The following TMEM266 variants were observed in gnomAD, a reference collection of about 807,000 sequenced individuals.
TMEM266 encodes Hv1 related protein 1.
A neutral mutation model predicts 50.5 loss-of-function variants in TMEM266; 33 were observed. The ratio of observed to expected loss-of-function variants is 0.65; its 90% CI spans 0.50 to 0.87. TMEM266 has a LOEUF of 0.87. Ranked by LOEUF, TMEM266 falls within the 40% of genes least tolerant of loss-of-function variation. TMEM266 has a pLI of 0.00. For synonymous variants in TMEM266, 310 were observed against 292.3 expected (o/e 1.06, Z -0.62); for missense variants, 655 against 695.1 (o/e 0.94, Z 0.65).
chr15:76,150,206 G>C (rs1357698721), intron 3 of TMEM266, among the ~76,000 whole-genome samples: 1 of 152,176 alleles, frequency 6.6e-6, no homozygotes, highest in Non-Finnish European at 1.5e-5. Context: ...GGCATAGCTT[G>C]TATCCACTGC....
At position 76,204,286 on chromosome 15, in the gene TMEM266, C is replaced by T; in HGVS notation, c.1567C>T (p.Gln523Ter). ...GTTCAGATCTTTGGAATCCAAAGAG[C>T]AAAAGCTGCACAGGGTCCCTGAGGC... Residue 523 changes from glutamine (Q) to a stop codon, truncating the protein, a stop_gained, in exon 11 of 11, where the codon CAA becomes TAA. Transcript: ENST00000388942. LOFTEE classifies it high-confidence loss of function. 3 of 1,611,540 alleles carry T rather than the reference C, an allele frequency of 1.9e-6. No homozygotes were observed. In the African/African-American group the frequency reaches 4.0e-5, roughly 21 times the overall value.
intron 3 of TMEM266, among the ~76,000 whole-genome samples, chr15:76,143,967 G>A (rs1426289844): frequency 6.6e-6 from 1 of 152,122 alleles, no homozygotes. Context: ...GAATCCTGAT[G>A]AGTGTCTGTG....
Position 76,169,881 on chromosome 15 carries a change from C to A in TMEM266, c.513+9C>A. The A allele has an allele frequency of 1.2e-6, 2 of 1,612,106 alleles. No homozygotes were observed. The highest frequency in any genetic ancestry group is 8.5e-7 in the Non-Finnish European group (1 of 1,178,626). The stretch of plus-strand genomic sequence containing the variant: ...TCGAAAACAAAATAGAGGTAAAGAC[C>A]AATGTCCACCCCCAAAGCCCCCACT... On this transcript the variant is annotated intron_variant, in intron 6 of 10. Transcript: ENST00000388942.
chr15:76,110,447 A>T (rs532330323), intron 1 of TMEM266, among the ~76,000 whole-genome samples: 23 of 152,232 alleles, frequency 1.5e-4, no homozygotes, highest in South Asian at 4.1e-4. Context: ...TTTTTTCTTA[A>T]GCTCATCGGC....
chr15:76,092,668 C>T (rs1221747035), intron 1 of TMEM266, among the ~76,000 whole-genome samples: 2 of 151,804 alleles, frequency 1.3e-5, no homozygotes, highest in African/African-American at 2.4e-5. Flanking sequence ...TCAGCCTGGG[C>T]AACAGAGCAA....
intron 8 of TMEM266, 153 bp from the exon 9 acceptor site, chr15:76,191,815 C>A: frequency 1.4e-6 from 1 of 698,028 alleles, no homozygotes; most frequent in Non-Finnish European, 2.2e-6. Flanking sequence ...AACCGCGATG[C>A]TGGGAGATTC....
rs2036875788 is a variant in TMEM266, at chr15:76,093,185, G to A, written c.-97+33169G>A. Among the ~76,000 whole-genome samples the A allele has an allele frequency of 2.6e-5, 4 of 151,494 alleles. No individual in the cohort carries two copies. In the South Asian group the frequency reaches 6.3e-4, roughly 24 times the overall value. ...AAGTTCTGGGATACATGTGCAGAAT[G>A]TGCAGTTTTAATTACATAGGTATAC... On this transcript the variant is annotated intron_variant, in intron 1 of 10. Transcript: ENST00000388942.
chr15:76,191,960 C>A lies in TMEM266; in HGVS notation c.769-8C>A. 2 of 1,580,296 alleles carry A rather than the reference C, an allele frequency of 1.3e-6. No homozygotes were observed. Among genetic ancestry groups the A allele is most frequent in the East Asian group, 2.4e-5 (1 of 41,294 alleles). On this transcript the variant is annotated splice_region_variant and splice_polypyrimidine_tract_variant and intron_variant, in intron 8 of 10. Transcript: ENST00000388942. ...CGCTGATTCAGCCTTGCCCGTCTCC[C>A]TCCGCAGTTTGAGATCCGGCAGCTG...
intron 8 of TMEM266, 39 bp from the exon 9 acceptor site, chr15:76,191,929 C>T (rs564221346): frequency 4.6e-6 from 7 of 1,528,984 alleles, no homozygotes; most frequent in Non-Finnish European, 5.2e-6. Flanking sequence ...CCCGCCGGCC[C>T]CTCGCCGCTG....
At chr15:76,152,657 C>T (rs1012551714) in intron 3 of TMEM266, among the ~76,000 whole-genome samples, 4 of 152,258 alleles carry the variant, frequency 2.6e-5, no homozygotes, top group Non-Finnish European at 5.9e-5. Flanking sequence ...ATGCCTGGAT[C>T]GCTGTCCCCT....
intron 8 of TMEM266, chr15:76,181,048 C>T (rs986124272): frequency 2.0e-5 from 3 of 152,248 alleles, no homozygotes; most frequent in Non-Finnish European, 4.4e-5. Context: ...CAGTTCATTT[C>T]TTGTCACAGG....
At chr15:76,149,113 G>C (rs1039106478) in intron 3 of TMEM266, among the ~76,000 whole-genome samples, 1 of 152,136 alleles carries the variant, frequency 6.6e-6, no homozygotes, top group Non-Finnish European at 1.5e-5. Flanking sequence ...TTTTCCTGTG[G>C]TTCTGGTTCT....
rs571195776 is a variant in TMEM266 at position 76,168,443 on chromosome 15, T to C, written c.457-1373T>C. On this transcript the variant is annotated intron_variant, in intron 5 of 10. Coordinates refer to ENST00000388942, the MANE Select transcript of TMEM266 (RefSeq NM_152335.3). This position sits in a 1 kb window ranked among gnomAD's most constrained non-coding sequence, Gnocchi z 4.4. ...TTCGCAGAGTTCAGAAGGCTAGGCT[T>C]GTACTACAGGCATGCGGGAGAGGGG... is the stretch of plus-strand genomic sequence containing the variant. 3.9e-5 allele frequency among the ~76,000 whole-genome samples: 6 copies of C among 152,220 alleles called. No individual in the cohort carries two copies. Among genetic ancestry groups the C allele is most frequent in the Non-Finnish European group, 7.3e-5 (5 of 68,038 alleles).
chr15:76,093,209 A>G (rs2036876106), intron 1 of TMEM266, among the ~76,000 whole-genome samples: 1 of 151,798 alleles, frequency 6.6e-6, no homozygotes, highest in South Asian at 2.1e-4. Flanking sequence ...ACATAGGTAT[A>G]CACGTGCCAT....
chr15:76,156,920 G>GAA (rs1282708021), intron 4 of TMEM266, among the ~76,000 whole-genome samples, 162 bp downstream of exon 4: 14 of 152,150 alleles, frequency 9.2e-5, no homozygotes, highest in Non-Finnish European at 1.8e-4. Context: ...CGCTGGGGAG[G>GAA]AAATACATCT....
chr15:76,131,386 C>A (rs1003059905), intron 1 of TMEM266, among the ~76,000 whole-genome samples: 1 of 152,168 alleles, frequency 6.6e-6, no homozygotes, highest in African/African-American at 2.4e-5. Flanking sequence ...AACAAACAAA[C>A]AAACCTCATT....
chr15:76,144,291 G>C (rs1253086438), intron 3 of TMEM266, among the ~76,000 whole-genome samples: 1 of 152,112 alleles, frequency 6.6e-6, no homozygotes, highest in Non-Finnish European at 1.5e-5. Context: ...ACAAGTACCA[G>C]TGGGTTCCAA....
rs1486388396 is a variant in TMEM266, at chr15:76,134,544, A to AT, written c.38+244dup. 2.0e-5 allele frequency among the ~76,000 whole-genome samples: 3 copies of AT among 152,238 alleles called. No homozygotes were observed. The East Asian group carries it at 5.8e-4, about 29-fold the overall frequency. The stretch of plus-strand genomic sequence containing the variant: ...GAGAGGGTTTCTAAAACCAGGCTTT[A>AT]TGAAACCCGGGGCAGAATTCTTAAG... On this transcript the variant is annotated intron_variant, in intron 2 of 10. Coordinates refer to ENST00000388942, the MANE Select transcript of TMEM266 (RefSeq NM_152335.3).
At chr15:76,094,236 T>G (rs1360827906) in intron 1 of TMEM266, among the ~76,000 whole-genome samples, 3 of 152,130 alleles carry the variant, frequency 2.0e-5, no homozygotes, top group Non-Finnish European at 4.4e-5. Context: ...TTCTAGGATT[T>G]TTATAGTCCT....
Sources: gnomAD v4.1 joint callset for allele counts (sites outside exome capture counted in the v4.1 genomes callset) on GRCh38, gnomAD v4.1.1 for gene constraint, Gnocchi (gnomAD v3.1) non-coding constraint, MANE v1.5 for transcripts, NCBI Gene and HGNC (gene_info 2026-07-23, HGNC 2026-07-21) for gene names.